KDM3A: variants seen among roughly 807,000 people sequenced by gnomAD.
KDM3A encodes lysine-specific demethylase 3A.
A neutral mutation model predicts 158.0 loss-of-function variants in KDM3A; 60 were observed. The observed-to-expected ratio is 0.38, with a 90% CI of 0.31 to 0.47. The LOEUF is 0.47. Ranked by LOEUF, KDM3A falls within the 20% of genes least tolerant of loss-of-function variation. The pLI is 0.99. For synonymous variants in KDM3A, 608 were observed against 549.3 expected (o/e 1.11, Z -1.49); for missense variants, 1,319 against 1,574.3 (o/e 0.84, Z 2.74).
At position 86,470,298 on chromosome 2, in the gene KDM3A, C is replaced by T; in HGVS notation, c.1614C>T (p.Asn538=). The change falls in exon 11 of 26, where the codon AAC becomes AAT. Residue 538 remains asparagine (N), a synonymous_variant. Coordinates refer to ENST00000312912, the MANE Select transcript of KDM3A (RefSeq NM_018433.6). The stretch of plus-strand genomic sequence containing the variant: ...TCGTACAGGATGATTCTTGTGTGAA[C>T]ATCGTGGCACAGTTGCCTAAATGCC... ...EAFVQDDSCV[N]IVAQLPKCRE... 1 of 1,614,100 alleles carries T rather than the reference C, an allele frequency of 6.2e-7. No individual in the cohort carries two copies. Among genetic ancestry groups the T allele is most frequent in the Non-Finnish European group, 8.5e-7 (1 of 1,179,976 alleles).
intron 2 of KDM3A, among the ~76,000 whole-genome samples, chr2:86,448,734 A>G (rs138899662): frequency 7.4e-4 from 112 of 152,328 alleles, no homozygotes; most frequent in African/African-American, 2.5e-3. Context: ...TTGATAGATG[A>G]TAGATGTATT....
intron 4 of KDM3A, among the ~76,000 whole-genome samples, chr2:86,454,615 TA>T (rs1006514765): frequency 5.4e-5 from 8 of 148,612 alleles, no homozygotes; most frequent in East Asian, 2.0e-4. Context: ...TTATATAAAA[TA>T]AAAAAAAAAC....
intron 11 of KDM3A, among the ~76,000 whole-genome samples, chr2:86,471,764 T>C (rs186845726): frequency 1.3e-5 from 2 of 152,334 alleles, no homozygotes; most frequent in African/African-American, 4.8e-5. Flanking sequence ...CTTTGTAAAT[T>C]GCAAAAGCAC....
intron 20 of KDM3A, among the ~76,000 whole-genome samples, 163 bp from the exon 21 acceptor site, chr2:86,485,566 C>CT (rs1674139632): frequency 1.3e-5 from 2 of 152,202 alleles, no homozygotes; most frequent in Admixed American, 1.3e-4. Context: ...GAGAAGACAT[C>CT]TTTGTAACTG....
intron 4 of KDM3A, among the ~76,000 whole-genome samples, chr2:86,453,347 T>A (rs1024517456): frequency 6.6e-6 from 1 of 152,182 alleles, no homozygotes; most frequent in Non-Finnish European, 1.5e-5. Flanking sequence ...TGTACGAAAT[T>A]CCACGTTGGG....
chr2:86,466,025 T>TC (rs1446863884), intron 9 of KDM3A, among the ~76,000 whole-genome samples: 1 of 151,940 alleles, frequency 6.6e-6, no homozygotes, highest in Non-Finnish European at 1.5e-5. Context: ...AACCAGCTTA[T>TC]CTGCTGAGTA....
chr2:86,437,057 T>C (rs1682504610), upstream of KDM3A, among the ~76,000 whole-genome samples: 1 of 152,178 alleles, frequency 6.6e-6, no homozygotes, highest in Admixed American at 6.5e-5. Flanking sequence ...AATATTTTAT[T>C]GGATTTTAAA....
At chr2:86,490,835 G>A in intron 23 of KDM3A, 46 bp from the exon 24 acceptor site, 2 of 1,490,746 alleles carry the variant, frequency 1.3e-6, no homozygotes, top group Non-Finnish European at 1.8e-6. Flanking sequence ...GGCTTATTGG[G>A]CCTTAGCATG....
chr2:86,477,262 A>C (rs1315381480), intron 12 of KDM3A, among the ~76,000 whole-genome samples: 1 of 152,174 alleles, frequency 6.6e-6, no homozygotes, highest in Non-Finnish European at 1.5e-5. Context: ...GCACTGGCTA[A>C]ATCGAATTTC....
At chr2:86,483,688 C>T (rs758406137) in intron 18 of KDM3A, 42 of 181,382 alleles carry the variant, frequency 2.3e-4, no homozygotes, top group African/African-American at 9.4e-5. Context: ...CTCCTTCCAG[C>T]GCTTGTCTTC....
rs780135085 is a variant in KDM3A, at chr2:86,470,323, C to A, written c.1639C>A (p.Arg547=). 1.2e-6 allele frequency: 2 copies of A among 1,614,012 alleles called. No homozygotes were observed. The highest frequency in any genetic ancestry group is 1.1e-5 in the South Asian group (1 of 91,074). ...CATCGTGGCACAGTTGCCTAAATGC[C>A]GAGAGTGTCGCTTGGACAGTCTCCG... ...VNIVAQLPKC[R]ECRLDSLRKD... is the part of the protein sequence containing the mutation. The change falls in exon 11 of 26, where the codon CGA becomes AGA. Residue 547 remains arginine (R), a synonymous_variant. Transcript: ENST00000312912.
At chr2:86,462,948 G>A (rs1229448251) in intron 8 of KDM3A, among the ~76,000 whole-genome samples, 1 of 152,102 alleles carries the variant, frequency 6.6e-6, no homozygotes, top group South Asian at 2.1e-4. Flanking sequence ...AAAACTAGCC[G>A]AGCATGGTGG....
chr2:86,458,626 G>GCT (rs1672802498), intron 8 of KDM3A, among the ~76,000 whole-genome samples: 1 of 152,170 alleles, frequency 6.6e-6, no homozygotes. Context: ...CAGGGAGAGT[G>GCT]CTCTGGTCAG....
At chr2:86,483,364 T>G (rs1175712685) in intron 18 of KDM3A, 1 of 152,400 alleles carries the variant, frequency 6.6e-6, no homozygotes, top group African/African-American at 2.4e-5. Flanking sequence ...AAAATAAATT[T>G]CCAAAATGTT....
chr2:86,469,177 G>A (rs1673290625), intron 10 of KDM3A, among the ~76,000 whole-genome samples: 1 of 152,168 alleles, frequency 6.6e-6, no homozygotes, highest in Non-Finnish European at 1.5e-5. Flanking sequence ...CTTTAAAAGA[G>A]AGGTAAGATT....
rs1682696375 is a variant in KDM3A at position 86,441,431 on chromosome 2, A to C, written c.-44A>C. 6.6e-6 allele frequency: 1 copy of C among 152,258 alleles called. No homozygotes were observed. The highest frequency in any genetic ancestry group is 1.5e-5 in the Non-Finnish European group (1 of 68,174). 9.4% of individuals were successfully genotyped at this position (152,258 alleles called of 1,614,324 possible). On this transcript the variant is annotated 5_prime_UTR_variant, in exon 1 of 26. Transcript: ENST00000312912. The stretch of plus-strand genomic sequence containing the variant: ...GGCGGCTGCCGCCGGTGACTCAGGG[A>C]GGCGGGAGGCGGGGTAAGAGCGCCG...
intron 4 of KDM3A, among the ~76,000 whole-genome samples, chr2:86,453,901 G>T (rs1249950620): frequency 3.3e-5 from 5 of 152,242 alleles, no homozygotes; most frequent in Non-Finnish European, 7.4e-5. Flanking sequence ...ATATTGGAAG[G>T]GCTTCTGTGT....
chr2:86,470,953 G>A (rs1387848294), intron 11 of KDM3A, among the ~76,000 whole-genome samples: 1 of 152,138 alleles, frequency 6.6e-6, no homozygotes, highest in Non-Finnish European at 1.5e-5. Flanking sequence ...TGGAAGTAAT[G>A]CAGAAATGAT....
intron 9 of KDM3A, among the ~76,000 whole-genome samples, chr2:86,465,627 A>T (rs931840717): frequency 1.3e-5 from 2 of 152,042 alleles, no homozygotes; most frequent in African/African-American, 4.8e-5. Context: ...CAGTCTGGTC[A>T]TGAACTCCTG....
Sources: allele counts gnomAD v4.1 joint callset (sites outside exome capture counted in the v4.1 genomes callset), GRCh38; gene constraint gnomAD v4.1.1; transcripts MANE v1.5; gene names NCBI Gene and HGNC (gene_info 2026-07-23, HGNC 2026-07-21).